The following MAN1A1 variants were observed in gnomAD, a reference collection of about 807,000 sequenced individuals.
MAN1A1 encodes the protein mannosyl-oligosaccharide 1,2-alpha-mannosidase IA.
Under a neutral mutation model 70.8 loss-of-function variants are expected in MAN1A1, and 29 were observed. The observed-to-expected ratio is 0.41, with a 90% confidence interval of 0.31 to 0.56. The LOEUF (loss-of-function observed/expected upper bound fraction) is 0.56, where lower values mean the gene tolerates loss of function less well. Ranked by LOEUF, MAN1A1 falls within the 20% of genes least tolerant of loss-of-function variation. The pLI, the probability that MAN1A1 is intolerant of heterozygous loss-of-function variation, is 0.29. For missense variants in MAN1A1, 747 were observed against 841.3 expected (o/e 0.89, Z 1.39); for synonymous variants, 349 against 330.1 (o/e 1.06, Z -0.62).
intron 5 of MAN1A1, among the ~76,000 whole-genome samples, chr6:119,287,885 T>A (rs1252091682): frequency 6.6e-6 from 1 of 152,038 alleles, no homozygotes; most frequent in African/African-American, 2.4e-5. Context: ...TTAATATTCA[T>A]CTTATCCCCA....
chr6:119,210,635 G>A (rs189219807), intron 6 of MAN1A1, among the ~76,000 whole-genome samples: 16 of 150,990 alleles, frequency 1.1e-4, no homozygotes, highest in Admixed American at 3.3e-4. Flanking sequence ...TTATTTTTAT[G>A]TTTTTGCCAC....
At position 119,302,513 on chromosome 6, in the gene MAN1A1, C is replaced by A. The variant is rs2114442232; in HGVS notation, c.701-410G>T. On this transcript the variant is annotated intron_variant, in intron 3 of 12. Transcript: ENST00000368468. ...TCTCCTACCTTAGCCTCCTGAGTAG[C>A]TGGGACTATAGGCGCATGCCACCAC... 1.3e-5 allele frequency among the ~76,000 whole-genome samples: 2 copies of A among 152,184 alleles called. 1 individual carries two copies. The highest frequency in any genetic ancestry group is 2.9e-5 in the Non-Finnish European group (2 of 68,008).
intron 2 of MAN1A1, among the ~76,000 whole-genome samples, chr6:119,320,965 A>G (rs1772987943): frequency 6.6e-6 from 1 of 152,184 alleles, no homozygotes; most frequent in African/African-American, 2.4e-5. Context: ...TTATAATAGT[A>G]CTTGCATTAA....
chr6:119,216,215 T>TA (rs1447973546), intron 6 of MAN1A1, among the ~76,000 whole-genome samples: 1 of 152,186 alleles, frequency 6.6e-6, no homozygotes, highest in Non-Finnish European at 1.5e-5. Flanking sequence ...CAGGGGATGA[T>TA]AAAGTCTGAT....
intron 9 of MAN1A1, among the ~76,000 whole-genome samples, chr6:119,190,913 G>GA (rs1354783882): frequency 6.6e-6 from 1 of 152,074 alleles, no homozygotes; most frequent in Non-Finnish European, 1.5e-5. Context: ...TTCATGGAAG[G>GA]AAAAAGGACA....
intron 5 of MAN1A1, among the ~76,000 whole-genome samples, chr6:119,257,759 T>G (rs559388660): frequency 7.2e-5 from 11 of 152,260 alleles, no homozygotes; most frequent in Non-Finnish European, 1.6e-4. Flanking sequence ...CAAACTATTC[T>G]TAAGTGTACC....
intron 9 of MAN1A1, among the ~76,000 whole-genome samples, chr6:119,192,419 G>A (rs1235519897): frequency 6.6e-6 from 1 of 152,110 alleles, no homozygotes; most frequent in African/African-American, 2.4e-5. Flanking sequence ...TCACTAAGGC[G>A]CTTCTGGTTC....
chr6:119,227,215 C>CA (rs1469447499), intron 6 of MAN1A1, among the ~76,000 whole-genome samples: 1 of 152,072 alleles, frequency 6.6e-6, no homozygotes, highest in African/African-American at 2.4e-5. Context: ...TTAGAAGGGA[C>CA]AAAACTAATG....
intron 3 of MAN1A1, among the ~76,000 whole-genome samples, chr6:119,303,232 C>A (rs1397108435): frequency 6.6e-6 from 1 of 152,040 alleles, no homozygotes; most frequent in Non-Finnish European, 1.5e-5. Context: ...GTGGCTCAGG[C>A]TGGTCTCAAA....
intron 6 of MAN1A1, among the ~76,000 whole-genome samples, chr6:119,224,478 A>T (rs1268830669): frequency 6.6e-6 from 1 of 152,182 alleles, no homozygotes; most frequent in Non-Finnish European, 1.5e-5. Context: ...ACTGAGCAGA[A>T]ATACCAGCTG....
intron 5 of MAN1A1, among the ~76,000 whole-genome samples, chr6:119,282,764 T>C (rs567176715): frequency 6.6e-6 from 1 of 152,244 alleles, no homozygotes; most frequent in South Asian, 2.1e-4. Flanking sequence ...CATAATTATA[T>C]AATTACATTA....
At chr6:119,214,014 G>A (rs1240636459) in intron 6 of MAN1A1, among the ~76,000 whole-genome samples, 1 of 152,042 alleles carries the variant, frequency 6.6e-6, no homozygotes, top group Non-Finnish European at 1.5e-5. Context: ...AGCCAGGCTG[G>A]AGTGCAGTGG....
intron 6 of MAN1A1, among the ~76,000 whole-genome samples, chr6:119,234,350 GA>G (rs1440251691): frequency 6.6e-6 from 1 of 152,066 alleles, no homozygotes. Context: ...AGGAGTTTCT[GA>G]ACTCATTTTT....
chr6:119,332,749 C>T (rs747531301), intron 2 of MAN1A1, among the ~76,000 whole-genome samples: 9 of 145,622 alleles, frequency 6.2e-5, no homozygotes, highest in Non-Finnish European at 8.9e-5. Flanking sequence ...CATGCCACTG[C>T]ACTCCAGCCT....
intron 6 of MAN1A1, among the ~76,000 whole-genome samples, chr6:119,217,832 A>G (rs1357653558): frequency 1.3e-5 from 2 of 152,190 alleles, no homozygotes; most frequent in Non-Finnish European, 2.9e-5. Flanking sequence ...ACACACATAT[A>G]TGGATATCTA....
intron 9 of MAN1A1, 62 bp from the exon 10 acceptor site, chr6:119,189,945 T>G (rs1279515585): frequency 4.0e-6 from 5 of 1,257,616 alleles, no homozygotes; most frequent in Admixed American, 4.3e-5. Flanking sequence ...ACTAAAAATA[T>G]GCCCAACATT....
intron 6 of MAN1A1, among the ~76,000 whole-genome samples, chr6:119,243,188 T>A (rs1373020367): frequency 6.6e-6 from 1 of 152,076 alleles, no homozygotes; most frequent in Non-Finnish European, 1.5e-5. Context: ...TTAGGATAAT[T>A]AAGCAATATT....
intron 6 of MAN1A1, among the ~76,000 whole-genome samples, chr6:119,238,056 AC>A (rs1774903466): frequency 1.3e-5 from 2 of 152,230 alleles, no homozygotes; most frequent in Admixed American, 6.5e-5. Flanking sequence ...CACAGTCAGC[AC>A]AGTTATAGGA....
chr6:119,273,947 C>A (rs1775989438), intron 5 of MAN1A1, among the ~76,000 whole-genome samples: 1 of 152,130 alleles, frequency 6.6e-6, no homozygotes, highest in Non-Finnish European at 1.5e-5. Context: ...AATTGCAACA[C>A]CAAGTAGTGG....
Sources: gnomAD v4.1 joint callset for allele counts (sites outside exome capture counted in the v4.1 genomes callset) on GRCh38, gnomAD v4.1.1 for gene constraint, MANE v1.5 for transcripts, NCBI Gene and HGNC (gene_info 2026-07-23, HGNC 2026-07-21) for gene names.